FAM81A: variants seen among roughly 807,000 people sequenced by gnomAD.
The protein encoded by FAM81A is protein FAM81A.
A neutral mutation model predicts 46.7 loss-of-function variants in FAM81A; 19 were observed. The ratio of observed to expected loss-of-function variants is 0.41; its 90% CI spans 0.28 to 0.60. The LOEUF is 0.60. Ranked by LOEUF, FAM81A falls within the 20% of genes least tolerant of loss-of-function variation. The pLI is 0.34. For missense variants in FAM81A, 377 were observed against 453.5 expected, an observed-to-expected ratio of 0.83 and a Z score of 1.53; for synonymous variants, 183 against 152.9, an observed-to-expected ratio of 1.20 and a Z score of -1.45.
chr15:59,413,309 T>C (rs1277546198), intron 2 of FAM81A, among the ~76,000 whole-genome samples: 7 of 151,038 alleles, frequency 4.6e-5, no homozygotes, highest in Non-Finnish European at 8.9e-5. Context: ...TAGCCCAGAG[T>C]GTGAGGGCCC....
chr15:59,428,561 C>T (rs1481319707), intron 2 of FAM81A, among the ~76,000 whole-genome samples: 1 of 148,822 alleles, frequency 6.7e-6, no homozygotes, highest in Non-Finnish European at 1.5e-5. Flanking sequence ...AGGCACCTGC[C>T]ATGGTTCCTT....
chr15:59,401,626 A>G (rs967582072), intron 1 of FAM81A: 2 of 910,922 alleles, frequency 2.2e-6, no homozygotes, highest in East Asian at 2.4e-5. Flanking sequence ...CTCCCTGGGC[A>G]CATACTTTAG....
chr15:59,443,175 C>A (rs1459280673), intron 1 of FAM81A, among the ~76,000 whole-genome samples: 2 of 152,212 alleles, frequency 1.3e-5, no homozygotes, highest in Non-Finnish European at 2.9e-5. Context: ...CTCCGCCTCC[C>A]TGGTTCAAGC....
chr15:59,414,166 C>T (rs2081135382), intron 2 of FAM81A, among the ~76,000 whole-genome samples: 1 of 152,114 alleles, frequency 6.6e-6, no homozygotes, highest in African/African-American at 2.4e-5. Flanking sequence ...GTTGGCCAGG[C>T]TCATCTTGAG....
At chr15:59,431,572 C>A (rs1413532393) in intron 2 of FAM81A, among the ~76,000 whole-genome samples, 1 of 149,014 alleles carries the variant, frequency 6.7e-6, no homozygotes, top group Non-Finnish European at 1.5e-5. Context: ...TACTATGTTG[C>A]CCAGGCTGGT....
intron 1 of FAM81A, among the ~76,000 whole-genome samples, chr15:59,451,067 T>C (rs1005082575): frequency 6.6e-6 from 1 of 152,192 alleles, no homozygotes; most frequent in Non-Finnish European, 1.5e-5. Flanking sequence ...GCAGGGACCA[T>C]GTTTTGATCA....
intron 2 of FAM81A, among the ~76,000 whole-genome samples, chr15:59,419,681 C>G (rs2081162458): frequency 6.6e-6 from 1 of 152,142 alleles, no homozygotes; most frequent in African/African-American, 2.4e-5. Context: ...CGAGACCAGC[C>G]TGGCCAACAT....
At chr15:59,477,661 C>G (rs2081790166) in intron 3 of FAM81A, among the ~76,000 whole-genome samples, 2 of 152,202 alleles carry the variant, frequency 1.3e-5, no homozygotes, top group South Asian at 4.1e-4. Flanking sequence ...CTACCAATGT[C>G]TAAGACATAG....
chr15:59,502,523 G>C lies in FAM81A; in HGVS notation c.414-4690G>C, dbSNP rs1055046930. 1.1e-3 allele frequency among the ~76,000 whole-genome samples: 173 copies of C among 150,932 alleles called. 2 individuals carry two copies. The East Asian group carries it at 0.019, about 16-fold the overall frequency. ...TGTGTGTGTGTGTGTGTGTGTGTGT[G>C]TGTGTTTTGAGACAGAGTTTCGCTC... is the stretch of plus-strand genomic sequence containing the variant. On this transcript the variant is annotated intron_variant, in intron 4 of 8. Coordinates refer to ENST00000288228, the MANE Select transcript of FAM81A (RefSeq NM_152450.3).
intron 2 of FAM81A, among the ~76,000 whole-genome samples, chr15:59,416,601 T>G (rs1022701117): frequency 6.6e-6 from 1 of 152,114 alleles, no homozygotes; most frequent in Non-Finnish European, 1.5e-5. Context: ...GGCATCAACA[T>G]CATCTGCTAC....
chr15:59,429,154 T>C (rs2081208827), intron 2 of FAM81A, among the ~76,000 whole-genome samples: 1 of 152,256 alleles, frequency 6.6e-6, no homozygotes, highest in Non-Finnish European at 1.5e-5. Context: ...ACTGCTAATA[T>C]TGGGAAAACT....
At chr15:59,452,268 C>T (rs149565903) in intron 1 of FAM81A, among the ~76,000 whole-genome samples, 35 of 152,318 alleles carry the variant, frequency 2.3e-4, no homozygotes, top group African/African-American at 7.9e-4. Context: ...ATTATAAACG[C>T]TATTTCAGTG....
intron 2 of FAM81A, among the ~76,000 whole-genome samples, chr15:59,406,570 G>T (rs2081095617): frequency 6.6e-6 from 1 of 152,192 alleles, no homozygotes; most frequent in Non-Finnish European, 1.5e-5. Context: ...TAGTAAGTTT[G>T]CAGAGTTGTG....
At chr15:59,414,863 T>C (rs889522225) in intron 2 of FAM81A, among the ~76,000 whole-genome samples, 1 of 152,126 alleles carries the variant, frequency 6.6e-6, no homozygotes, top group African/African-American at 2.4e-5. Context: ...TCACCCAGGC[T>C]GGAGTGCAGT....
intron 2 of FAM81A, among the ~76,000 whole-genome samples, chr15:59,459,600 G>A (rs954837988): frequency 4.6e-5 from 7 of 152,056 alleles, no homozygotes; most frequent in African/African-American, 1.7e-4. Flanking sequence ...AGAGGGAGGA[G>A]GAGGAGAGCA....
chr15:59,447,656 A>C (rs2081367207), intron 1 of FAM81A, among the ~76,000 whole-genome samples: 1 of 152,210 alleles, frequency 6.6e-6, no homozygotes, highest in Admixed American at 6.5e-5. Flanking sequence ...GAAATTAGGC[A>C]TGCTGACCTC....
intron 3 of FAM81A, among the ~76,000 whole-genome samples, chr15:59,478,386 T>C (rs1398579302): frequency 1.3e-5 from 2 of 151,932 alleles, no homozygotes; most frequent in African/African-American, 4.8e-5. Context: ...ACTACTGGAG[T>C]TTTTGAACTT....
At chr15:59,400,304 C>T (rs573889414) in intron 1 of FAM81A, among the ~76,000 whole-genome samples, 14 of 152,236 alleles carry the variant, frequency 9.2e-5, no homozygotes, top group African/African-American at 3.1e-4. Flanking sequence ...CACATCCAGC[C>T]ACTCACGGGT....
rs2081062242 is a variant in FAM81A at position 59,399,771 on chromosome 15, C to T, written c.-160-2505C>T. On this transcript the variant is annotated intron_variant, in intron 1 of 4. Transcript: ENST00000558348. ...TAATGTTCCCAGAGTTCTGGCTCTC[C>T]TCCTTTCCTCCTGCTGCAGCTGATT... is the stretch of plus-strand genomic sequence containing the variant. Among the ~76,000 whole-genome samples the T allele has an allele frequency of 2.6e-5, 4 of 152,176 alleles. No homozygotes were observed. In the South Asian group the frequency reaches 8.3e-4, roughly 31 times the overall value.
Sources: gnomAD v4.1 joint callset for allele counts (sites outside exome capture counted in the v4.1 genomes callset) on GRCh38, gnomAD v4.1.1 for gene constraint, MANE v1.5 for transcripts, NCBI Gene and HGNC (gene_info 2026-07-23, HGNC 2026-07-21) for gene names.